The following DLG1 variants were observed in gnomAD, a reference collection of about 807,000 sequenced individuals.
The protein encoded by DLG1 is disks large homolog 1.
Under a neutral mutation model 123.4 loss-of-function variants are expected in DLG1, and 42 were observed. The ratio of observed to expected loss-of-function variants is 0.34; its 90% CI spans 0.27 to 0.44. The LOEUF is 0.44. Ranked by LOEUF, DLG1 falls within the 20% of genes least tolerant of loss-of-function variation. The probability of loss-of-function intolerance (pLI) is 1.00; values close to 1 mark genes in which losing one functional copy is unlikely to be tolerated. For missense variants in DLG1, 942 were observed against 1,082.6 expected, an observed-to-expected ratio of 0.87 and a Z score of 1.82; for synonymous variants, 317 against 356.2, an observed-to-expected ratio of 0.89 and a Z score of 1.24.
chr3:197,293,511 T>C (rs1014255722), intron 3 of DLG1, among the ~76,000 whole-genome samples: 4 of 152,154 alleles, frequency 2.6e-5, no homozygotes, highest in Admixed American at 1.3e-4. Flanking sequence ...TATTTAACAG[T>C]TGGTATTTTA....
intron 24 of DLG1, among the ~76,000 whole-genome samples, 164 bp from the exon 25 acceptor site, chr3:197,044,893 A>C (rs1025293936): frequency 6.6e-6 from 1 of 152,168 alleles, no homozygotes; most frequent in Non-Finnish European, 1.5e-5. Context: ...CACTTCATTA[A>C]TTTTCCTATT....
chr3:197,267,802 T>C (rs1171465775), intron 4 of DLG1, among the ~76,000 whole-genome samples: 1 of 152,328 alleles, frequency 6.6e-6, no homozygotes, highest in Non-Finnish European at 1.5e-5. Context: ...GCTAATCCTA[T>C]ATGTTTATTA....
chr3:197,237,679 TAAAG>T (rs769138794), intron 4 of DLG1, among the ~76,000 whole-genome samples: 3 of 152,030 alleles, frequency 2.0e-5, no homozygotes, highest in Non-Finnish European at 2.9e-5. Flanking sequence ...CATCCAGCAA[TAAAG>T]AGACAGCCCT....
At chr3:197,155,120 C>T (rs143095595) in intron 5 of DLG1, among the ~76,000 whole-genome samples, 36 of 152,228 alleles carry the variant, frequency 2.4e-4, no homozygotes, top group Non-Finnish European at 4.7e-4. Flanking sequence ...CACACTGAGA[C>T]ACATTATACT....
intron 5 of DLG1, among the ~76,000 whole-genome samples, chr3:197,150,094 G>C (rs1464401493): frequency 2.6e-5 from 4 of 152,018 alleles, no homozygotes; most frequent in Non-Finnish European, 5.9e-5. Context: ...ATATTCTTTA[G>C]TGTAACCAAT....
chr3:197,145,377 TTTGA>T (rs944095057), intron 6 of DLG1, among the ~76,000 whole-genome samples: 7 of 152,218 alleles, frequency 4.6e-5, no homozygotes, highest in Non-Finnish European at 1.0e-4. Flanking sequence ...TCTTTAGTCC[TTTGA>T]TTTTCTAAAA....
intron 4 of DLG1, among the ~76,000 whole-genome samples, chr3:197,269,329 T>C (rs1204017108): frequency 6.6e-6 from 1 of 152,176 alleles, no homozygotes; most frequent in South Asian, 2.1e-4. Flanking sequence ...TCAGCTTGAT[T>C]ATAACCTTAA....
intron 4 of DLG1, among the ~76,000 whole-genome samples, chr3:197,195,593 T>C (rs991224708): frequency 6.6e-6 from 1 of 152,192 alleles, no homozygotes; most frequent in Non-Finnish European, 1.5e-5. Flanking sequence ...TGGATACAAC[T>C]GGAGGCCATT....
At chr3:197,273,485 G>A (rs1008588405) in intron 4 of DLG1, among the ~76,000 whole-genome samples, 3 of 152,072 alleles carry the variant, frequency 2.0e-5, no homozygotes, top group Admixed American at 6.5e-5. Flanking sequence ...TGATCTGCCC[G>A]CCTCTGCCTC....
chr3:197,258,964 A>AT (rs1428151552), intron 4 of DLG1, among the ~76,000 whole-genome samples: 6 of 152,186 alleles, frequency 3.9e-5, no homozygotes, highest in Admixed American at 3.9e-4. Flanking sequence ...ATTACATCTA[A>AT]TTTTTTAAGC....
rs1721294061 is a variant in DLG1, at chr3:197,043,579, A to C, written c.*1044T>G. Reference sequence around the variant, plus strand: ...AAGAAACAAAATATATTTTAAATATATATATATGTTTGTGTGTGTGCGCAA... The same window carrying C: ...AAGAAACAAAATATATTTTAAATATCTATATATGTTTGTGTGTGTGCGCAA... On this transcript the variant is annotated 3_prime_UTR_variant, in exon 25 of 25. Coordinates refer to ENST00000667157, the MANE Select transcript of DLG1 (RefSeq NM_001366207.1). 1 of 151,698 alleles carries C rather than the reference A, an allele frequency of 6.6e-6. No individual in the cohort carries two copies. The highest frequency in any genetic ancestry group is 1.9e-4 in the East Asian group (1 of 5,202). The allele number at this position is 151,698 out of a possible 1,614,324, so 9.4% of individuals were successfully genotyped here. A position where few individuals can be genotyped will look rare whatever the true frequency, so the allele number is the denominator to read the frequency against.
Position 197,066,465 on chromosome 3 carries a change from C to A in DLG1, c.2098+239G>T, listed in dbSNP as rs191876750. 2.0e-5 allele frequency among the ~76,000 whole-genome samples: 3 copies of A among 152,222 alleles called. No individual in the cohort carries two copies. In the East Asian group the frequency reaches 5.8e-4, roughly 29 times the overall value. On this transcript the variant is annotated intron_variant, in intron 20 of 24. Transcript: ENST00000667157. Reference sequence around the variant, plus strand: ...GAAGATAGTGATGCTAACAAGAACACTGGAACAAAGTTGCTTGGGAAATAA... The same window carrying A: ...GAAGATAGTGATGCTAACAAGAACAATGGAACAAAGTTGCTTGGGAAATAA...
At chr3:197,127,457 AATATATATATATATATATATATATATAT>A (rs1553936527) in intron 11 of DLG1, among the ~76,000 whole-genome samples, 3 of 20,834 alleles carry the variant, frequency 1.4e-4, no homozygotes, top group African/African-American at 4.8e-4. Flanking sequence ...AAAAAAAAAA[AATATATATATATATATATATATATATAT>A]ATATATATAT....
intron 4 of DLG1, among the ~76,000 whole-genome samples, chr3:197,200,963 C>T (rs923400168): frequency 1.3e-5 from 2 of 152,080 alleles, no homozygotes; most frequent in Non-Finnish European, 2.9e-5. Context: ...TTATTCAACG[C>T]GATACCAGAA....
chr3:197,127,249 C>T (rs895150563), intron 11 of DLG1, among the ~76,000 whole-genome samples: 1 of 150,182 alleles, frequency 6.7e-6, no homozygotes, highest in African/African-American at 2.4e-5. Flanking sequence ...ATGGCGAAAC[C>T]CCGTCTCTAC....
intron 4 of DLG1, among the ~76,000 whole-genome samples, chr3:197,210,345 A>G (rs1474664464): frequency 6.9e-6 from 1 of 145,254 alleles, no homozygotes; most frequent in Non-Finnish European, 1.5e-5. Flanking sequence ...AGAATTGAGT[A>G]TATTAACAAA....
intron 1 of DLG1, chr3:197,297,520 C>T (rs1050219945): frequency 5.8e-6 from 7 of 1,199,830 alleles, no homozygotes; most frequent in East Asian, 9.3e-5. Flanking sequence ...CCTCTTCCCC[C>T]GCACAAGTAT....
chr3:197,088,679 T>A (rs753922427), intron 15 of DLG1, among the ~76,000 whole-genome samples: 27 of 152,230 alleles, frequency 1.8e-4, no homozygotes, highest in Admixed American at 7.8e-4. Context: ...AGCATAAAGA[T>A]AGAAAAAACC....
chr3:197,180,635 C>G (rs977597820), intron 5 of DLG1, among the ~76,000 whole-genome samples: 2 of 152,024 alleles, frequency 1.3e-5, no homozygotes, highest in Non-Finnish European at 2.9e-5. Context: ...AACTGAGAGA[C>G]AGTGTGTAAG....
Sources: gnomAD v4.1 joint callset for allele counts (sites outside exome capture counted in the v4.1 genomes callset) on GRCh38, gnomAD v4.1.1 for gene constraint, MANE v1.5 for transcripts, NCBI Gene and HGNC (gene_info 2026-07-23, HGNC 2026-07-21) for gene names.